Variants in DNAH7 observed in about 807,000 individuals in gnomAD.
DNAH7 encodes the protein axonemal beta dynein heavy chain 7.
Under a neutral mutation model 444.6 loss-of-function variants are expected in DNAH7, and 397 were observed. The ratio of observed to expected loss-of-function variants is 0.89; its 90% confidence interval spans 0.82 to 0.97. The LOEUF (loss-of-function observed/expected upper bound fraction) is 0.97. Among genes scored for constraint, DNAH7 ranks in the 50% least tolerant of loss-of-function variants. The pLI is 0.00. For missense variants in DNAH7, 4,902 were observed against 4,800.8 expected, an observed-to-expected ratio of 1.02 and a Z score of -0.62; for synonymous variants, 1,636 against 1,624.4, an observed-to-expected ratio of 1.01 and a Z score of -0.17.
intron 49 of DNAH7, among the ~76,000 whole-genome samples, chr2:195,820,835 C>T (rs1343210314): frequency 6.6e-6 from 1 of 152,174 alleles, no homozygotes; most frequent in Non-Finnish European, 1.5e-5. Flanking sequence ...AAACTACCTA[C>T]ATGTAGCAGA....
intron 5 of DNAH7, among the ~76,000 whole-genome samples, chr2:196,033,371 C>T (rs558365686): frequency 6.6e-6 from 1 of 152,266 alleles, no homozygotes; most frequent in East Asian, 1.9e-4. Context: ...ATTTGCCATG[C>T]TGTGCAATAT....
At position 195,888,249 on chromosome 2, in the gene DNAH7, T is replaced by C. The variant is rs1025820038; in HGVS notation, c.5406+9A>G. 2 of 1,588,614 alleles carry C rather than the reference T, an allele frequency of 1.3e-6. No homozygotes were observed. Among genetic ancestry groups the C allele is most frequent in the Admixed American group, 1.9e-5 (1 of 53,678 alleles). ...TATTTTTTAATCTTAAAATTCTCATTTCCCTTACCTTTGTATGCTTTCTAA... is the reference window on the plus strand; with the variant it reads ...TATTTTTTAATCTTAAAATTCTCATCTCCCTTACCTTTGTATGCTTTCTAA... On this transcript the variant is annotated intron_variant, in intron 33 of 64. Coordinates refer to ENST00000312428, the MANE Select transcript of DNAH7 (RefSeq NM_018897.3).
At chr2:196,010,511 C>T (rs1304810254) in intron 10 of DNAH7, among the ~76,000 whole-genome samples, 2 of 152,158 alleles carry the variant, frequency 1.3e-5, no homozygotes, top group Non-Finnish European at 2.9e-5. Flanking sequence ...GAGAACACTA[C>T]AGAGGTTCCT....
At chr2:195,750,148 T>C (rs1011578627) in intron 63 of DNAH7, among the ~76,000 whole-genome samples, 1 of 152,196 alleles carries the variant, frequency 6.6e-6, no homozygotes, top group South Asian at 2.1e-4. Context: ...AGTTGTGCTT[T>C]ATTTTTACTC....
chr2:195,904,290 A>T (rs927852436), intron 27 of DNAH7: 1 of 152,298 alleles, frequency 6.6e-6, no homozygotes, highest in Non-Finnish European at 1.5e-5. Context: ...AACTGTACAT[A>T]TGTTTAGCGT....
At chr2:195,769,849 A>G (rs528942979) in intron 61 of DNAH7, among the ~76,000 whole-genome samples, 1 of 152,156 alleles carries the variant, frequency 6.6e-6, no homozygotes, top group Admixed American at 6.5e-5. Context: ...AATATAATCA[A>G]CGTGATACAG....
chr2:195,794,226 T>G, intron 57 of DNAH7, 112 bp downstream of exon 57: 1 of 890,226 alleles, frequency 1.1e-6, no homozygotes, highest in South Asian at 1.5e-5. Context: ...TGCACTGCGG[T>G]GCAGGAGGCC....
chr2:196,062,767 C>A (rs1338991124), intron 1 of DNAH7, among the ~76,000 whole-genome samples: 3 of 152,192 alleles, frequency 2.0e-5, no homozygotes, highest in Non-Finnish European at 4.4e-5. Context: ...ATTAGCAATG[C>A]CTCCCTTTAT....
chr2:195,896,279 C>T (rs990036335), intron 29 of DNAH7, among the ~76,000 whole-genome samples: 4 of 151,580 alleles, frequency 2.6e-5, no homozygotes, highest in Admixed American at 2.6e-4. Flanking sequence ...CAATGAGTAA[C>T]TTCTTTACCT....
intron 5 of DNAH7, among the ~76,000 whole-genome samples, chr2:196,036,124 T>A (rs1323025950): frequency 2.6e-5 from 4 of 151,202 alleles, no homozygotes; most frequent in Admixed American, 2.0e-4. Context: ...CTCTGCCTCC[T>A]GAGTTCAAGC....
At chr2:195,809,351 A>C (rs1233298133) in intron 52 of DNAH7, among the ~76,000 whole-genome samples, 2 of 152,182 alleles carry the variant, frequency 1.3e-5, no homozygotes, top group Admixed American at 1.3e-4. Flanking sequence ...ACCATATAAA[A>C]TCCATAAATC....
chr2:195,836,676 AGAGT>A (rs1006654267), intron 47 of DNAH7, among the ~76,000 whole-genome samples: 6 of 152,190 alleles, frequency 3.9e-5, no homozygotes, highest in East Asian at 1.9e-4. Flanking sequence ...CACTCTAAAG[AGAGT>A]GAGAGAAGGG....
At chr2:195,823,214 G>GT (rs1336600727) in intron 49 of DNAH7, among the ~76,000 whole-genome samples, 1 of 152,130 alleles carries the variant, frequency 6.6e-6, no homozygotes, top group Non-Finnish European at 1.5e-5. Flanking sequence ...GAATTTCCAT[G>GT]TTTTAACATT....
intron 15 of DNAH7, among the ~76,000 whole-genome samples, chr2:195,983,126 T>C (rs1052127908): frequency 1.3e-5 from 2 of 151,872 alleles, no homozygotes; most frequent in African/African-American, 4.8e-5. Context: ...CCCATGAAAA[T>C]TAAAAACAAA....
chr2:195,951,647 T>G (rs535820941), intron 19 of DNAH7, among the ~76,000 whole-genome samples: 2 of 152,216 alleles, frequency 1.3e-5, no homozygotes, highest in African/African-American at 2.4e-5. Flanking sequence ...ATATTTAGGA[T>G]AGTTAGCTCT....
intron 28 of DNAH7, among the ~76,000 whole-genome samples, 154 bp from the exon 29 acceptor site, chr2:195,897,919 G>A (rs1207525186): frequency 6.6e-6 from 1 of 151,970 alleles, no homozygotes; most frequent in Non-Finnish European, 1.5e-5. Context: ...ATGAATTTTA[G>A]AAACTGACAT....
intron 47 of DNAH7, among the ~76,000 whole-genome samples, chr2:195,840,715 A>T (rs1179877439): frequency 6.6e-6 from 1 of 151,864 alleles, no homozygotes; most frequent in Non-Finnish European, 1.5e-5. Context: ...AGTTGAACAC[A>T]ATCTTTTAAG....
intron 17 of DNAH7, among the ~76,000 whole-genome samples, chr2:195,968,110 G>A (rs13391298): frequency 0.032 from 4,943 of 152,274 alleles, 272 homozygotes; most frequent in African/African-American, 0.11. Flanking sequence ...TCAGGGCAGT[G>A]GGCTCCCCTC....
Position 195,873,558 on chromosome 2 carries a change from G to C in DNAH7, c.6413+10C>G. Reference sequence around the variant, plus strand: ...CCTAATTAAAAAAAAAACAAATTTTGATTACTTACCAGATTTCTAAATGCC... The same window carrying C: ...CCTAATTAAAAAAAAAACAAATTTTCATTACTTACCAGATTTCTAAATGCC... On this transcript the variant is annotated intron_variant, in intron 39 of 64. Transcript: ENST00000312428. 1 of 1,291,084 alleles carries C rather than the reference G, an allele frequency of 7.7e-7. No homozygotes were observed. Among genetic ancestry groups the C allele is most frequent in the Non-Finnish European group, 1.0e-6 (1 of 979,472 alleles). The allele number at this position is 1,291,084 out of a possible 1,614,324, so 80.0% of individuals were successfully genotyped here.
Sources: gnomAD v4.1 joint callset for allele counts (sites outside exome capture counted in the v4.1 genomes callset) on GRCh38, gnomAD v4.1.1 for gene constraint, MANE v1.5 for transcripts, NCBI Gene and HGNC (gene_info 2026-07-23, HGNC 2026-07-21) for gene names.